MCTP1: variants seen among roughly 807,000 people sequenced by gnomAD.
MCTP1 encodes multiple C2 and transmembrane domain containing 1.
In MCTP1, 69 loss-of-function variants were observed where a neutral mutation model predicts 120.6. The ratio of observed to expected loss-of-function variants is 0.57; its 90% CI spans 0.47 to 0.70. The LOEUF (loss-of-function observed/expected upper bound fraction) is 0.70. MCTP1 is among the 30% of genes least tolerant of loss of function. MCTP1 has a pLI of 0.00. For synonymous variants in MCTP1, 529 were observed against 493.1 expected, an observed-to-expected ratio of 1.07 and a Z score of -0.96; for missense variants, 1,203 against 1,248.8, an observed-to-expected ratio of 0.96 and a Z score of 0.55.
At position 94,749,741 on chromosome 5, in the gene MCTP1, T is replaced by C. The variant is rs187298139; in HGVS notation, c.2610+29369A>G. Among the ~76,000 whole-genome samples the C allele has an allele frequency of 6.6e-5, 10 of 151,942 alleles. No homozygotes were observed. The East Asian group carries it at 1.9e-3, about 29-fold the overall frequency. ...TCCCAAATTTCAGAATCTATAGTTA[T>C]TGGTATTAAGTGAATAATGAAATTC... On this transcript the variant is annotated intron_variant, in intron 19 of 22. Transcript: ENST00000515393.
intron 1 of MCTP1, among the ~76,000 whole-genome samples, chr5:95,063,431 T>C (rs181294594): frequency 6.6e-6 from 1 of 152,370 alleles, no homozygotes; most frequent in African/African-American, 2.4e-5. Flanking sequence ...ACATGTAAGC[T>C]GCAGAATTCT....
At chr5:94,950,890 T>G (rs1561910306) in intron 3 of MCTP1, among the ~76,000 whole-genome samples, 3 of 147,476 alleles carry the variant, frequency 2.0e-5, no homozygotes. Context: ...GAGCTTGCAG[T>G]GAGCCGAGAT....
chr5:95,254,242 C>T (rs1017751029), intron 1 of MCTP1, among the ~76,000 whole-genome samples: 3 of 152,162 alleles, frequency 2.0e-5, no homozygotes, highest in African/African-American at 7.2e-5. Flanking sequence ...AAACAGCTAA[C>T]ATTTGTTACG....
At chr5:94,863,063 G>C (rs1426045745) in intron 17 of MCTP1, among the ~76,000 whole-genome samples, 1 of 151,734 alleles carries the variant, frequency 6.6e-6, no homozygotes, top group Admixed American at 6.6e-5. Flanking sequence ...TTCTAAATCT[G>C]TATAGATTAA....
chr5:95,073,779 C>T (rs1752841779), intron 1 of MCTP1, among the ~76,000 whole-genome samples: 1 of 152,072 alleles, frequency 6.6e-6, no homozygotes, highest in Non-Finnish European at 1.5e-5. Context: ...TTCTTGGTGC[C>T]CCAGGTTTTC....
chr5:95,245,113 G>A (rs1374017897), intron 1 of MCTP1, among the ~76,000 whole-genome samples: 1 of 152,124 alleles, frequency 6.6e-6, no homozygotes, highest in Non-Finnish European at 1.5e-5. Context: ...CTAACAAACA[G>A]AAAGGAATAG....
intron 2 of MCTP1, among the ~76,000 whole-genome samples, chr5:95,004,665 C>T (rs1834338620): frequency 6.6e-6 from 1 of 152,218 alleles, no homozygotes; most frequent in South Asian, 2.1e-4. Flanking sequence ...AAGCCAAAAA[C>T]CTTGGCAGCT....
chr5:95,166,800 C>T (rs1746442431), intron 1 of MCTP1, among the ~76,000 whole-genome samples: 1 of 152,142 alleles, frequency 6.6e-6, no homozygotes, highest in South Asian at 2.1e-4. Flanking sequence ...ATCTCCTGAC[C>T]TTGTGATCCG....
At chr5:94,893,738 T>A (rs1441463338) in intron 11 of MCTP1, among the ~76,000 whole-genome samples, 2 of 152,198 alleles carry the variant, frequency 1.3e-5, no homozygotes, top group African/African-American at 4.8e-5. Context: ...AGGATGTCAG[T>A]CAGCAAATAG....
intron 1 of MCTP1, among the ~76,000 whole-genome samples, chr5:95,104,623 G>A (rs1403168253): frequency 6.6e-6 from 1 of 152,006 alleles, no homozygotes; most frequent in African/African-American, 2.4e-5. Context: ...ATATTTTAAA[G>A]CTTTATATTT....
chr5:95,032,278 A>G (rs1465309089), intron 1 of MCTP1, among the ~76,000 whole-genome samples: 2 of 152,120 alleles, frequency 1.3e-5, no homozygotes, highest in African/African-American at 2.4e-5. Context: ...CCCAACAACC[A>G]CAGGATATAC....
At chr5:95,014,123 G>A (rs1258878541) in intron 2 of MCTP1, among the ~76,000 whole-genome samples, 1 of 152,024 alleles carries the variant, frequency 6.6e-6, no homozygotes, top group Non-Finnish European at 1.5e-5. Flanking sequence ...AAATAGCCGG[G>A]CATGGCGACA....
chr5:95,004,134 T>C (rs944207604), intron 2 of MCTP1, among the ~76,000 whole-genome samples: 3 of 152,234 alleles, frequency 2.0e-5, no homozygotes, highest in Admixed American at 1.3e-4. Context: ...ATTGCGTTTC[T>C]GCTCTATATA....
intron 19 of MCTP1, among the ~76,000 whole-genome samples, chr5:94,767,789 C>T (rs529987529): frequency 4.9e-4 from 75 of 152,128 alleles, no homozygotes; most frequent in Non-Finnish European, 9.4e-4. Context: ...GGATCCCATG[C>T]CCATGGATTT....
chr5:94,828,997 C>A (rs1249945918), intron 17 of MCTP1, among the ~76,000 whole-genome samples: 8 of 125,770 alleles, frequency 6.4e-5, no homozygotes, highest in South Asian at 4.9e-4. Flanking sequence ...ATGAAAAAAA[C>A]AAACAAACAA....
intron 2 of MCTP1, among the ~76,000 whole-genome samples, chr5:95,008,313 T>C (rs1581810564): frequency 6.6e-6 from 1 of 152,280 alleles, no homozygotes. Context: ...AACCCCTTCA[T>C]TGGAGAAACC....
intron 1 of MCTP1, among the ~76,000 whole-genome samples, chr5:95,150,740 A>C (rs1760817061): frequency 6.6e-6 from 1 of 152,158 alleles, no homozygotes; most frequent in Non-Finnish European, 1.5e-5. Context: ...AAAGGCTATA[A>C]CATCTAAAAA....
At chr5:95,246,248 G>C (rs906095232) in intron 1 of MCTP1, among the ~76,000 whole-genome samples, 4 of 152,112 alleles carry the variant, frequency 2.6e-5, no homozygotes, top group African/African-American at 9.7e-5. Context: ...GACCATTGAC[G>C]CTATGAAGAA....
intron 1 of MCTP1, among the ~76,000 whole-genome samples, chr5:95,039,231 A>G (rs569644678): frequency 7.9e-5 from 12 of 152,354 alleles, no homozygotes; most frequent in African/African-American, 2.9e-4. Flanking sequence ...TTGTTCAAAA[A>G]ACAGATTAGT....
Sources: gnomAD v4.1 joint callset for allele counts (sites outside exome capture counted in the v4.1 genomes callset) on GRCh38, gnomAD v4.1.1 for gene constraint, MANE v1.5 for transcripts, NCBI Gene and HGNC (gene_info 2026-07-23, HGNC 2026-07-21) for gene names.